The following PTGFR variants were observed in gnomAD, a reference collection of about 807,000 sequenced individuals.
PTGFR encodes the protein prostaglandin F receptor.
A neutral mutation model predicts 26.2 loss-of-function variants in PTGFR; 15 were observed. The ratio of observed to expected loss-of-function variants is 0.57; its 90% CI spans 0.38 to 0.88. The LOEUF (loss-of-function observed/expected upper bound fraction) is 0.88, where lower values mean the gene tolerates loss of function less well. Among genes scored for constraint, PTGFR ranks in the 40% least tolerant of loss-of-function variants. PTGFR has a pLI of 0.00. For missense variants in PTGFR, 369 were observed against 427.2 expected, an observed-to-expected ratio of 0.86 and a Z score of 1.20; for synonymous variants, 165 against 151.1, an observed-to-expected ratio of 1.09 and a Z score of -0.68.
intron 2 of PTGFR, among the ~76,000 whole-genome samples, chr1:78,528,356 AAAC>A (rs1225025378): frequency 7.3e-5 from 11 of 150,882 alleles, no homozygotes; most frequent in East Asian, 2.0e-4. Flanking sequence ...CCTTTTGACC[AAAC>A]AACAAGATTG....
At chr1:78,499,572 A>G (rs915248191) in intron 2 of PTGFR, among the ~76,000 whole-genome samples, 7 of 152,204 alleles carry the variant, frequency 4.6e-5, no homozygotes, top group African/African-American at 1.7e-4. Context: ...GACCTGGTTG[A>G]TAGCCCCTGG....
intron 2 of PTGFR, among the ~76,000 whole-genome samples, chr1:78,520,809 A>G (rs1397344618): frequency 1.3e-5 from 2 of 152,048 alleles, no homozygotes; most frequent in African/African-American, 4.8e-5. Flanking sequence ...TTTGTCAAGT[A>G]CTTGTTAGGT....
At chr1:78,500,912 G>A (rs774930642) in intron 2 of PTGFR, among the ~76,000 whole-genome samples, 9 of 152,128 alleles carry the variant, frequency 5.9e-5, no homozygotes, top group African/African-American at 2.2e-4. Flanking sequence ...GCTAGGATGA[G>A]AATTTACTCA....
At chr1:78,503,575 C>G (rs1649759414) in intron 2 of PTGFR, among the ~76,000 whole-genome samples, 2 of 152,166 alleles carry the variant, frequency 1.3e-5, no homozygotes, top group Admixed American at 1.3e-4. Flanking sequence ...GAGACAGAGA[C>G]ATGACCTGGG....
chr1:78,520,939 C>A (rs2100384624), intron 2 of PTGFR, among the ~76,000 whole-genome samples: 1 of 152,170 alleles, frequency 6.6e-6, no homozygotes, highest in African/African-American at 2.4e-5. Flanking sequence ...GCAAGGTCCC[C>A]AGCATTCACA....
intron 2 of PTGFR, among the ~76,000 whole-genome samples, chr1:78,524,684 C>T (rs142838845): frequency 2.0e-4 from 31 of 152,024 alleles, no homozygotes; most frequent in Middle Eastern, 6.8e-3. Flanking sequence ...TTATGCAGTC[C>T]CAGCTACGAT....
At chr1:78,530,325 T>C (rs1380479399) in intron 2 of PTGFR, among the ~76,000 whole-genome samples, 1 of 152,216 alleles carries the variant, frequency 6.6e-6, no homozygotes, top group Non-Finnish European at 1.5e-5. Flanking sequence ...ATATCTGTTG[T>C]TATGGGCACA....
chr1:78,527,232 A>T (rs983204299), intron 2 of PTGFR, among the ~76,000 whole-genome samples: 1 of 152,104 alleles, frequency 6.6e-6, no homozygotes. Flanking sequence ...TTTATTTAAA[A>T]GTTGGATTTT....
chr1:78,524,517 G>A (rs1226524539), intron 2 of PTGFR, among the ~76,000 whole-genome samples: 2 of 152,038 alleles, frequency 1.3e-5, no homozygotes, highest in Non-Finnish European at 2.9e-5. Context: ...CTATTTCAAT[G>A]ACCAATAAAA....
chr1:78,531,753 T>A (rs1391038106), intron 2 of PTGFR, among the ~76,000 whole-genome samples: 1 of 152,124 alleles, frequency 6.6e-6, no homozygotes, highest in Non-Finnish European at 1.5e-5. Flanking sequence ...ATTGCCTGTT[T>A]CTTCTTGTCT....
In PTGFR at chr1:78,519,365, T is replaced by C. The variant is rs969168540; in HGVS notation, c.799-17041T>C. 1.9e-4 allele frequency among the ~76,000 whole-genome samples: 29 copies of C among 152,180 alleles called. 1 individual carries two copies. Among genetic ancestry groups the C allele is most frequent in the Admixed American group, 1.8e-3 (28 of 15,262 alleles). ...TCAGTAAAATATAGATATTAGATAA[T>C]AGATAATAACCTCTGTAAAATATAG... is the stretch of plus-strand genomic sequence containing the variant. On this transcript the variant is annotated intron_variant, in intron 2 of 2. Coordinates refer to ENST00000370757, the MANE Select transcript of PTGFR (RefSeq NM_000959.4).
chr1:78,527,501 C>A (rs1392402330), intron 2 of PTGFR, among the ~76,000 whole-genome samples: 1 of 151,870 alleles, frequency 6.6e-6, no homozygotes, highest in Non-Finnish European at 1.5e-5. Context: ...ATTATATCAC[C>A]TAAATTATGC....
At chr1:78,518,567 G>GACAC (rs57447321) in intron 2 of PTGFR, among the ~76,000 whole-genome samples, 35 of 137,964 alleles carry the variant, frequency 2.5e-4, no homozygotes, top group African/African-American at 6.5e-4. Context: ...CAGTATAAAA[G>GACAC]ACACACACAC....
intron 2 of PTGFR, among the ~76,000 whole-genome samples, chr1:78,508,203 G>A (rs979632552): frequency 2.0e-5 from 3 of 151,964 alleles, no homozygotes; most frequent in African/African-American, 7.3e-5. Context: ...AAATATATCA[G>A]AGCTTCTTGA....
At position 78,537,986 on chromosome 1, in the gene PTGFR, T is replaced by C. The variant is rs1488441975; in HGVS notation, c.*1299T>C. On this transcript the variant is annotated 3_prime_UTR_variant, in exon 3 of 3. Coordinates refer to ENST00000370757, the MANE Select transcript of PTGFR (RefSeq NM_000959.4). ...GCTTTATAATAGGAAAATGTATTTC[T>C]GTATAAGAGTTCTTTGCTTTCATTA... 1 of 152,170 alleles carries C rather than the reference T, an allele frequency of 6.6e-6. No individual in the cohort carries two copies. Among genetic ancestry groups the C allele is most frequent in the Non-Finnish European group, 1.5e-5 (1 of 68,008 alleles). The allele number at this position is 152,170 out of a possible 1,614,324, so 9.4% of individuals were successfully genotyped here. A position where few individuals can be genotyped will look rare whatever the true frequency, so the allele number is the denominator to read the frequency against.
At chr1:78,524,076 C>T (rs1650310042) in intron 2 of PTGFR, among the ~76,000 whole-genome samples, 1 of 152,062 alleles carries the variant, frequency 6.6e-6, no homozygotes, top group Admixed American at 6.6e-5. Flanking sequence ...TTAATGGTGC[C>T]TTTTGGGCAG....
chr1:78,521,142 C>A (rs944198064), intron 2 of PTGFR, among the ~76,000 whole-genome samples: 3 of 152,036 alleles, frequency 2.0e-5, no homozygotes, highest in Admixed American at 6.6e-5. Flanking sequence ...CTCACTGCAA[C>A]CTTTTAAGTA....
chr1:78,523,947 C>T (rs889373908), intron 2 of PTGFR, among the ~76,000 whole-genome samples: 1 of 152,072 alleles, frequency 6.6e-6, no homozygotes, highest in African/African-American at 2.4e-5. Flanking sequence ...AGCATCTAAT[C>T]CAGCAAATAT....
chr1:78,509,768 T>A (rs1649920271), intron 2 of PTGFR, among the ~76,000 whole-genome samples: 1 of 152,228 alleles, frequency 6.6e-6, no homozygotes, highest in Non-Finnish European at 1.5e-5. Flanking sequence ...ATAATATAAA[T>A]GCTAGCCTGC....
Sources: allele counts gnomAD v4.1 joint callset (sites outside exome capture counted in the v4.1 genomes callset), GRCh38; gene constraint gnomAD v4.1.1; transcripts MANE v1.5; gene names NCBI Gene and HGNC (gene_info 2026-07-23, HGNC 2026-07-21).